The following TXNRD1 variants were observed in gnomAD, a reference collection of about 807,000 sequenced individuals.
The protein encoded by TXNRD1 is thioredoxin reductase 1, also known as thioredoxin reductase 1, cytoplasmic.
In TXNRD1, 57 loss-of-function variants were observed where a neutral mutation model predicts 80.3. The observed-to-expected ratio is 0.71, with a 90% CI of 0.57 to 0.89. TXNRD1 has a LOEUF of 0.89. TXNRD1 is among the 40% of genes least tolerant of loss of function. The pLI is 0.00. For synonymous variants in TXNRD1, 291 were observed against 285.2 expected, an observed-to-expected ratio of 1.02 and a Z score of -0.20; for missense variants, 730 against 803.0, an observed-to-expected ratio of 0.91 and a Z score of 1.10.
chr12:104,244,189 T>C (rs2032932151), intron 1 of TXNRD1, among the ~76,000 whole-genome samples: 1 of 152,184 alleles, frequency 6.6e-6, no homozygotes, highest in African/African-American at 2.4e-5. Context: ...AACCTGGCTC[T>C]CTGCAGGCTT....
chr12:104,311,231 CT>C, intron 4 of TXNRD1, 58 bp from the exon 5 acceptor site: 1 of 1,496,512 alleles, frequency 6.7e-7, no homozygotes, highest in Non-Finnish European at 8.9e-7. Flanking sequence ...TCTTACAAAG[CT>C]TTTTGGACAT....
intron 2 of TXNRD1, among the ~76,000 whole-genome samples, chr12:104,257,400 A>G (rs2033279104): frequency 1.5e-5 from 2 of 136,772 alleles, no homozygotes; most frequent in Admixed American, 8.2e-5. Context: ...AAGTGTTCCA[A>G]TGCTTTTTTT....
chr12:104,307,669 A>C (rs1251153286), intron 4 of TXNRD1, among the ~76,000 whole-genome samples: 1 of 152,240 alleles, frequency 6.6e-6, no homozygotes, highest in Non-Finnish European at 1.5e-5. Flanking sequence ...CTGGCAAAGG[A>C]TAGAAACTAT....
intron 1 of TXNRD1, among the ~76,000 whole-genome samples, chr12:104,229,144 CTTTTTTTT>C (rs56077479): frequency 1.9e-5 from 2 of 106,088 alleles, no homozygotes; most frequent in South Asian, 6.1e-4. Context: ...CATTACTTTT[CTTTTTTTT>C]TTTTTTTTTT....
At chr12:104,277,090 A>G (rs60836659) in intron 3 of TXNRD1, among the ~76,000 whole-genome samples, 1,772 of 151,958 alleles carry the variant, frequency 0.012, 34 homozygotes, top group African/African-American at 0.04. Flanking sequence ...TCTACAAAAC[A>G]TTTTTTTAAA....
intron 1 of TXNRD1, among the ~76,000 whole-genome samples, chr12:104,223,754 A>G (rs2032405673): frequency 6.6e-6 from 1 of 152,180 alleles, no homozygotes; most frequent in South Asian, 2.1e-4. Flanking sequence ...TGAATCACTC[A>G]CTGAGAGGCA....
chr12:104,315,746 G>T (rs1440979692), intron 6 of TXNRD1, 31 bp from the exon 7 acceptor site: 2 of 1,600,738 alleles, frequency 1.2e-6, no homozygotes, highest in East Asian at 4.5e-5. Flanking sequence ...TGGAAAGCAG[G>T]TTATAAACTG....
chr12:104,322,077 A>G (rs2035551104), intron 10 of TXNRD1, among the ~76,000 whole-genome samples: 1 of 152,030 alleles, frequency 6.6e-6, no homozygotes, highest in South Asian at 2.1e-4. Context: ...ATAGATAAGA[A>G]TATGAACTTT....
intron 4 of TXNRD1, among the ~76,000 whole-genome samples, chr12:104,290,487 GTT>G (rs2034143563): frequency 6.6e-6 from 1 of 151,640 alleles, no homozygotes; most frequent in African/African-American, 2.4e-5. Context: ...GAGCTCAGGA[GTT>G]CCAGATCAGC....
At chr12:104,248,677 T>C (rs999335989) in intron 1 of TXNRD1, among the ~76,000 whole-genome samples, 1 of 152,170 alleles carries the variant, frequency 6.6e-6, no homozygotes, top group Non-Finnish European at 1.5e-5. Flanking sequence ...GTCTTGGTTA[T>C]TCAGATGCAA....
intron 16 of TXNRD1, among the ~76,000 whole-genome samples, chr12:104,346,742 G>A (rs1565919317): frequency 1.3e-5 from 2 of 152,078 alleles, no homozygotes. Flanking sequence ...GCATATAAGA[G>A]TGCTAATTAA....
intron 4 of TXNRD1, among the ~76,000 whole-genome samples, chr12:104,300,484 G>T (rs1016730776): frequency 1.3e-5 from 2 of 152,160 alleles, no homozygotes; most frequent in Non-Finnish European, 2.9e-5. Context: ...TTTATCAGTA[G>T]TGCAGTTTCT....
rs534323718 is a variant in TXNRD1 at position 104,274,306 on chromosome 12, G to A, written c.305-14625G>A. ...CATTAACGACTGGTAGCCATCAACT[G>A]TCTCGGGCTTCTGGGATTTTGGCTC... On this transcript the variant is annotated intron_variant, in intron 3 of 16. Transcript: ENST00000525566. Among the ~76,000 whole-genome samples the A allele has an allele frequency of 5.9e-5, 9 of 152,228 alleles. No individual in the cohort carries two copies. In the South Asian group the frequency reaches 1.4e-3, roughly 25 times the overall value.
chr12:104,262,701 C>G (rs2033393036), intron 3 of TXNRD1: 1 of 152,192 alleles, frequency 6.6e-6, no homozygotes, highest in Non-Finnish European at 1.5e-5. Flanking sequence ...GCACTAGGCT[C>G]TGTATACTAA....
At chr12:104,220,750 G>A (rs1349399857) in intron 1 of TXNRD1, among the ~76,000 whole-genome samples, 2 of 147,758 alleles carry the variant, frequency 1.4e-5, no homozygotes, top group South Asian at 2.2e-4. Flanking sequence ...CGGTGGGGGG[G>A]AGGCGGTATT....
chr12:104,314,957 G>A (rs1411639408), intron 6 of TXNRD1, among the ~76,000 whole-genome samples: 2 of 151,978 alleles, frequency 1.3e-5, no homozygotes, highest in Non-Finnish European at 2.9e-5. Flanking sequence ...TGGCCAGGCT[G>A]GTCTCGAACT....
At chr12:104,287,208 G>A in intron 3 of TXNRD1, 1 of 1,600,946 alleles carries the variant, frequency 6.2e-7, no homozygotes, top group Non-Finnish European at 8.5e-7. Flanking sequence ...ATTGCGCCTG[G>A]GTGCAGCAGT....
In TXNRD1 at chr12:104,315,864, C is replaced by T. The variant is rs779580588; in HGVS notation, c.698C>T (p.Ser233Phe). Residue 233 changes from serine (S) to phenylalanine (F), a missense_variant, in exon 7 of 17, where the codon TCT (serine) becomes TTT (phenylalanine). Ser to Phe is a radical substitution (Grantham distance 155). Coordinates refer to ENST00000525566, the MANE Select transcript of TXNRD1 (RefSeq NM_001093771.3). ...TTGTTAGGACAAGCCCTGCAAGACT[C>T]TCGAAATTATGGATGGAAAGTCGAG... ...AALLGQALQD[S>F]RNYGWKVEET... 6 of 1,611,908 alleles carry T rather than the reference C, an allele frequency of 3.7e-6. No individual in the cohort carries two copies. Among genetic ancestry groups the T allele is most frequent in the Non-Finnish European group, 5.1e-6 (6 of 1,178,644 alleles).
intron 10 of TXNRD1, 35 bp downstream of exon 10, chr12:104,321,351 C>A (rs2035524544): frequency 1.9e-6 from 3 of 1,566,122 alleles, no homozygotes; most frequent in Non-Finnish European, 2.6e-6. Flanking sequence ...CTTGATTCTA[C>A]ATTCACAGTA....
Sources: gnomAD v4.1 joint callset for allele counts (sites outside exome capture counted in the v4.1 genomes callset) on GRCh38, gnomAD v4.1.1 for gene constraint, MANE v1.5 for transcripts, NCBI Gene and HGNC (gene_info 2026-07-23, HGNC 2026-07-21) for gene names.